GPM6B: variants seen among roughly 807,000 people sequenced by gnomAD.
GPM6B encodes the protein glycoprotein M6B, also known as neuronal membrane glycoprotein M6-b.
A neutral mutation model predicts 27.2 loss-of-function variants in GPM6B; 4 were observed. That is an observed-to-expected ratio of 0.15 (90% CI 0.07 to 0.34). GPM6B has a LOEUF of 0.34. Ranked by LOEUF, GPM6B falls within the 10% of genes least tolerant of loss-of-function variation. The pLI is 1.00. For synonymous variants in GPM6B, 124 were observed against 103.1 expected, an observed-to-expected ratio of 1.20 and a Z score of -1.23; for missense variants, 183 against 261.9, an observed-to-expected ratio of 0.70 and a Z score of 2.08.
At chrX:13,787,514 C>T (rs1411415539) in intron 2 of GPM6B, among the ~76,000 whole-genome samples, 7 of 111,647 alleles carry the variant, frequency 6.3e-5, no homozygotes, top group African/African-American at 2.3e-4. Flanking sequence ...CGAGATTGCG[C>T]CACTGAACTT....
intron 1 of GPM6B, among the ~76,000 whole-genome samples, chrX:13,866,273 G>C (rs1300838671): frequency 8.9e-6 from 1 of 112,433 alleles, no homozygotes; most frequent in African/African-American, 3.2e-5. Flanking sequence ...TGAGGCAGGA[G>C]AATCACTTGA....
chrX:13,889,010 AAGCAAGG>A (rs1362010362), intron 1 of GPM6B: 1 of 111,762 alleles, frequency 8.9e-6, no homozygotes, highest in Non-Finnish European at 1.9e-5. Context: ...ACATTTTGAG[AAGCAAGG>A]AGTTACACGG....
At chrX:13,861,802 T>G (rs2049856204) in intron 1 of GPM6B, among the ~76,000 whole-genome samples, 1 of 111,842 alleles carries the variant, frequency 8.9e-6, no homozygotes. Flanking sequence ...ACAAAGGGTA[T>G]ATAGTGAAAA....
intron 1 of GPM6B, among the ~76,000 whole-genome samples, chrX:13,851,661 C>A (rs59021977): frequency 9.4e-6 from 1 of 106,515 alleles, no homozygotes; most frequent in Non-Finnish European, 1.9e-5. Context: ...CAGCTGAAAT[C>A]GAGGGACAAT....
intron 1 of GPM6B, among the ~76,000 whole-genome samples, chrX:13,885,794 A>T (rs1462671660): frequency 1.8e-5 from 2 of 111,799 alleles, no homozygotes; most frequent in Non-Finnish European, 3.8e-5. Flanking sequence ...CAGTCAAGGC[A>T]GTCAGTGACC....
chrX:13,879,797 T>C (rs2050075598), intron 1 of GPM6B, among the ~76,000 whole-genome samples: 1 of 112,103 alleles, frequency 8.9e-6, no homozygotes, highest in African/African-American at 3.2e-5. Flanking sequence ...GGAGGGCTTG[T>C]TAAAACACAT....
intron 2 of GPM6B, among the ~76,000 whole-genome samples, chrX:13,805,771 C>CTAAA (rs2049010403): frequency 9.0e-6 from 1 of 111,675 alleles, no homozygotes; most frequent in Non-Finnish European, 1.9e-5. Flanking sequence ...GTTTAGTGAA[C>CTAAA]TAAAATACAG....
At chrX:13,881,362 A>C (rs1170470915) in intron 1 of GPM6B, among the ~76,000 whole-genome samples, 1 of 111,623 alleles carries the variant, frequency 9.0e-6, no homozygotes, top group African/African-American at 3.3e-5. Flanking sequence ...ATTTTTAAAA[A>C]ATAGCGTGGC....
intron 1 of GPM6B, among the ~76,000 whole-genome samples, chrX:13,900,859 A>C (rs2048968470): frequency 1.8e-5 from 2 of 112,106 alleles, no homozygotes; most frequent in Admixed American, 1.9e-4. Flanking sequence ...GCTTCCAACT[A>C]ATAACATTTC....
intron 2 of GPM6B, among the ~76,000 whole-genome samples, chrX:13,801,003 A>T (rs1015957103): frequency 9.2e-5 from 10 of 108,594 alleles, no homozygotes; most frequent in African/African-American, 3.4e-4. Flanking sequence ...CAGCATTCTT[A>T]GCGATTCCGA....
chrX:13,778,648 A>C (rs1036398338), intron 5 of GPM6B, among the ~76,000 whole-genome samples: 1 of 112,519 alleles, frequency 8.9e-6, no homozygotes, highest in Non-Finnish European at 1.9e-5. Flanking sequence ...ATTATCAGTG[A>C]AACCAGTAAC....
Position 13,842,906 on chromosome X carries a change from AT to A in GPM6B, c.-197-57099del, listed in dbSNP as rs958604519. On this transcript the variant is annotated intron_variant, in intron 1 of 6. Transcript: ENST00000398361. ...ACTGATTACGATGAAGCCAAAACTC[AT>A]TTTTTTAACAAACACCTTTATTATC... Among the ~76,000 whole-genome samples the A allele has an allele frequency of 9.0e-5, 10 of 111,464 alleles. No homozygotes were observed. In the East Asian group the frequency reaches 1.4e-3, roughly 15 times the overall value.
chrX:13,774,538 T>C, intron 7 of GPM6B: 1 of 1,206,706 alleles, frequency 8.3e-7, no homozygotes, highest in Non-Finnish European at 1.1e-6. Flanking sequence ...AAACTCCTTA[T>C]GCAATTTAGA....
Position 13,874,464 on chromosome X carries a change from G to A in GPM6B, c.-198+63863C>T, listed in dbSNP as rs757304579. ...TATAATCTCAGCACTTTGGGAGGCT[G>A]AGATGGGTGGATCACTTGAGGTCAA... On this transcript the variant is annotated intron_variant, in intron 1 of 6. Transcript: ENST00000398361. Among the ~76,000 whole-genome samples the A allele has an allele frequency of 5.6e-5, 6 of 107,535 alleles. No individual in the cohort carries two copies. The South Asian group carries it at 1.7e-3, about 30-fold the overall frequency. The allele number at this position is 107,535 out of a possible 115,157, so 93.4% of individuals were successfully genotyped here. A position where few individuals can be genotyped will look rare whatever the true frequency, so the allele number is the denominator to read the frequency against.
chrX:13,887,699 T>C (rs2050150475), intron 1 of GPM6B, among the ~76,000 whole-genome samples: 1 of 111,679 alleles, frequency 9.0e-6, no homozygotes, highest in African/African-American at 3.3e-5. Flanking sequence ...AAAAGAGTGG[T>C]GGTTTTTAAG....
intron 1 of GPM6B, among the ~76,000 whole-genome samples, chrX:13,924,828 T>G (rs1921090478): frequency 9.0e-6 from 1 of 111,670 alleles, no homozygotes; most frequent in Admixed American, 9.5e-5. Flanking sequence ...GGAGAAAATA[T>G]CAGGCAAGCA....
At position 13,931,517 on chromosome X, in the gene GPM6B, A is replaced by C. The variant is rs373750862; in HGVS notation, c.-198+6810T>G. Among the ~76,000 whole-genome samples, 8 of 110,513 alleles carry C rather than the reference A, an allele frequency of 7.2e-5. No homozygotes were observed. In the East Asian group the frequency reaches 2.2e-3, roughly 31 times the overall value. ...AAAAAAGAAAAAAGAAAAAAAGAAA[A>C]ATAAATAAATAAAATTAATAATCGA... On this transcript the variant is annotated intron_variant, in intron 1 of 6. Transcript: ENST00000398361.
chrX:13,783,861 G>GA, intron 3 of GPM6B: 1 of 354,231 alleles, frequency 2.8e-6, no homozygotes, highest in Non-Finnish European at 5.4e-6. Flanking sequence ...CTCCTCATCG[G>GA]AGGATACACA....
At chrX:13,841,356 G>A (rs906956869) in intron 1 of GPM6B, among the ~76,000 whole-genome samples, 2 of 111,692 alleles carry the variant, frequency 1.8e-5, no homozygotes, top group African/African-American at 6.5e-5. Context: ...CCATTTGCCA[G>A]CTAGGTCGCT....
Sources: gnomAD v4.1 joint callset for allele counts (sites outside exome capture counted in the v4.1 genomes callset) on GRCh38, gnomAD v4.1.1 for gene constraint, MANE v1.5 for transcripts, NCBI Gene and HGNC (gene_info 2026-07-23, HGNC 2026-07-21) for gene names.